Variants in NR3C2 observed in about 807,000 individuals in gnomAD.
NR3C2 encodes the protein nuclear receptor subfamily 3 group C member 2.
A neutral mutation model predicts 86.4 loss-of-function variants in NR3C2; 15 were observed. That is an observed-to-expected ratio of 0.17 (90% CI 0.12 to 0.27). The LOEUF (loss-of-function observed/expected upper bound fraction) is 0.27, where lower values mean the gene tolerates loss of function less well. NR3C2 is among the 10% of genes least tolerant of loss of function. NR3C2 has a pLI of 1.00. For missense variants in NR3C2, 960 were observed against 1,195.6 expected (o/e 0.80, Z 2.91); for synonymous variants, 458 against 450.5 (o/e 1.02, Z -0.21).
chr4:148,273,731 C>G (rs1740811250), intron 2 of NR3C2, among the ~76,000 whole-genome samples: 1 of 152,078 alleles, frequency 6.6e-6, no homozygotes, highest in African/African-American at 2.4e-5. Context: ...GAAAGACAAC[C>G]AGAAGCAGAG....
intron 2 of NR3C2, among the ~76,000 whole-genome samples, chr4:148,290,392 T>C (rs1289714241): frequency 1.3e-5 from 2 of 152,134 alleles, no homozygotes; most frequent in Non-Finnish European, 2.9e-5. Context: ...ATTCACCCCA[T>C]GACAGACCCT....
chr4:148,352,798 T>G (rs72656849), intron 2 of NR3C2, among the ~76,000 whole-genome samples: 2 of 152,150 alleles, frequency 1.3e-5, no homozygotes, highest in Admixed American at 1.3e-4. Flanking sequence ...TGTTTTTAAG[T>G]AGAGAGATGC....
chr4:148,438,440 T>C (rs939131038), intron 1 of NR3C2, among the ~76,000 whole-genome samples: 2 of 152,218 alleles, frequency 1.3e-5, no homozygotes, highest in South Asian at 2.1e-4. Context: ...AAATCTGTAT[T>C]ATGCATTTTT....
rs35574035 is a variant in NR3C2 at position 148,302,846 on chromosome 4, C to CAAAAA, written c.1758-42734_1758-42730dup. On this transcript the variant is annotated intron_variant, in intron 2 of 8. Coordinates refer to ENST00000358102, the MANE Select transcript of NR3C2 (RefSeq NM_000901.5). ...GGGCTACAAGAGCGAAACTCCGTCT[C>CAAAAA]AAAAAAAAAAAAAAAAAAAAAAGTT... is the stretch of plus-strand genomic sequence containing the variant. 4.5e-5 allele frequency among the ~76,000 whole-genome samples: 4 copies of CAAAAA among 88,542 alleles called. No homozygotes were observed. The East Asian group carries it at 9.7e-4, about 21-fold the overall frequency. 58.1% of individuals were successfully genotyped at this position (88,542 alleles called of 152,430 possible).
chr4:148,350,785 G>C (rs141417295), intron 2 of NR3C2, among the ~76,000 whole-genome samples: 1,988 of 152,094 alleles, frequency 0.013, 80 homozygotes, highest in Admixed American at 0.093. Context: ...TGAGCTCAAG[G>C]GCAAGAAACA....
chr4:148,206,700 G>A (rs1269249476), intron 3 of NR3C2, among the ~76,000 whole-genome samples: 2 of 152,154 alleles, frequency 1.3e-5, no homozygotes, highest in Non-Finnish European at 2.9e-5. Flanking sequence ...GAGAGGAACT[G>A]TGTGGGATAT....
At chr4:148,188,781 T>C (rs1333118624) in intron 4 of NR3C2, among the ~76,000 whole-genome samples, 2 of 151,998 alleles carry the variant, frequency 1.3e-5, no homozygotes, top group Non-Finnish European at 2.9e-5. Context: ...TGAAGAGGAG[T>C]GGTGACAGTG....
chr4:148,423,630 T>G (rs1469592749), intron 2 of NR3C2, among the ~76,000 whole-genome samples: 1 of 152,206 alleles, frequency 6.6e-6, no homozygotes, highest in African/African-American at 2.4e-5. Flanking sequence ...GTGGGGACAT[T>G]TGGTTTGTTT....
chr4:148,211,191 G>A (rs546032132), intron 3 of NR3C2, among the ~76,000 whole-genome samples: 4 of 152,168 alleles, frequency 2.6e-5, no homozygotes, highest in Non-Finnish European at 4.4e-5. Context: ...GATGAGAATG[G>A]CAGTCAAAGA....
chr4:148,350,399 TAGAA>T, intron 2 of NR3C2, among the ~76,000 whole-genome samples: 1 of 152,188 alleles, frequency 6.6e-6, no homozygotes, highest in Non-Finnish European at 1.5e-5. Context: ...AGTACTTGGA[TAGAA>T]AAGACAAACT....
At chr4:148,321,678 T>A (rs9761994) in intron 2 of NR3C2, among the ~76,000 whole-genome samples, 1 of 151,928 alleles carries the variant, frequency 6.6e-6, no homozygotes, top group African/African-American at 2.4e-5. Flanking sequence ...AAAGTCTGTT[T>A]TATCAGAGAC....
In NR3C2 at chr4:148,429,764, T is replaced by A. The variant is rs532269851; in HGVS notation, c.1757+5340A>T. On this transcript the variant is annotated intron_variant, in intron 2 of 8. Transcript: ENST00000358102. ...TGCTTTTATTTTTCCTCGGTTTTCA[T>A]TAATAAATGTTGGAATGTCATCAAA... Among the ~76,000 whole-genome samples, 18 of 152,332 alleles carry A rather than the reference T, an allele frequency of 1.2e-4. No individual in the cohort carries two copies. The East Asian group carries it at 3.3e-3, about 28-fold the overall frequency.
rs1025090098 is a variant in NR3C2, at chr4:148,162,916, G to A, written c.2015-8015C>T. Among the ~76,000 whole-genome samples, 4 of 152,222 alleles carry A rather than the reference G, an allele frequency of 2.6e-5. No homozygotes were observed. The South Asian group carries it at 8.3e-4, about 32-fold the overall frequency. The stretch of plus-strand genomic sequence containing the variant: ...CCTCTACCCACATGTTTTACCCTCA[G>A]GACAAAACATGCTTCTGAAAGAAAA... On this transcript the variant is annotated intron_variant, in intron 4 of 8. Coordinates refer to ENST00000358102, the MANE Select transcript of NR3C2 (RefSeq NM_000901.5).
At chr4:148,100,617 T>C (rs573951780) in intron 8 of NR3C2, among the ~76,000 whole-genome samples, 3 of 152,348 alleles carry the variant, frequency 2.0e-5, no homozygotes, top group South Asian at 2.1e-4. Context: ...TGTTCACTGT[T>C]GTTAGCAATG....
intron 2 of NR3C2, among the ~76,000 whole-genome samples, chr4:148,408,854 T>C (rs1317772912): frequency 1.3e-5 from 2 of 152,194 alleles, no homozygotes; most frequent in South Asian, 2.1e-4. Context: ...CATGCTTATA[T>C]ATTGTTCTAT....
intron 2 of NR3C2, among the ~76,000 whole-genome samples, chr4:148,390,843 A>G (rs1363345816): frequency 6.6e-6 from 1 of 152,252 alleles, no homozygotes; most frequent in Non-Finnish European, 1.5e-5. Flanking sequence ...TCTGCTCATA[A>G]TATGACTTTT....
At chr4:148,342,553 G>C (rs1744798213) in intron 2 of NR3C2, among the ~76,000 whole-genome samples, 1 of 152,048 alleles carries the variant, frequency 6.6e-6, no homozygotes, top group Non-Finnish European at 1.5e-5. Context: ...ATGAAGCTCT[G>C]GTTTGCTGAT....
chr4:148,419,495 GC>G (rs1749172773), intron 2 of NR3C2, among the ~76,000 whole-genome samples: 1 of 152,136 alleles, frequency 6.6e-6, no homozygotes, highest in Non-Finnish European at 1.5e-5. Context: ...CAGTGAAAAG[GC>G]CAAAGAAGAC....
At chr4:148,418,497 A>G (rs1383083132) in intron 2 of NR3C2, among the ~76,000 whole-genome samples, 2 of 152,146 alleles carry the variant, frequency 1.3e-5, no homozygotes, top group African/African-American at 4.8e-5. Context: ...AAGTTCTCAC[A>G]AAGAACTAGA....
Sources: gnomAD v4.1 joint callset for allele counts (sites outside exome capture counted in the v4.1 genomes callset) on GRCh38, gnomAD v4.1.1 for gene constraint, MANE v1.5 for transcripts, NCBI Gene and HGNC (gene_info 2026-07-23, HGNC 2026-07-21) for gene names.